Variants in BCL2 observed in about 807,000 individuals in gnomAD.
BCL2 encodes the protein apoptosis regulator Bcl-2.
BCL2 carries 1 observed loss-of-function variant against 14.2 expected under a neutral mutation model. The ratio of observed to expected loss-of-function variants is 0.07; its 90% CI spans 0.02 to 0.33. The LOEUF (loss-of-function observed/expected upper bound fraction) is 0.33, where lower values mean the gene tolerates loss of function less well. BCL2 is among the 10% of genes least tolerant of loss of function. The probability of loss-of-function intolerance (pLI) is 0.99; values close to 1 mark genes in which losing one functional copy is unlikely to be tolerated. For synonymous variants in BCL2, 151 were observed against 137.2 expected, an observed-to-expected ratio of 1.10 and a Z score of -0.70; for missense variants, 247 against 305.9, an observed-to-expected ratio of 0.81 and a Z score of 1.44.
chr18:63,306,142 A>C (rs983385359), intron 2 of BCL2, among the ~76,000 whole-genome samples: 1 of 152,218 alleles, frequency 6.6e-6, no homozygotes, highest in African/African-American at 2.4e-5. Context: ...CAGAACAATG[A>C]CCACATTCTT....
At chr18:63,252,424 G>A (rs765942116) in intron 2 of BCL2, among the ~76,000 whole-genome samples, 25 of 152,176 alleles carry the variant, frequency 1.6e-4, no homozygotes, top group Non-Finnish European at 2.6e-4. Flanking sequence ...CTATTGATAC[G>A]GTTTGGCTGT....
At chr18:63,233,703 A>G (rs538752425) in intron 2 of BCL2, among the ~76,000 whole-genome samples, 1 of 152,082 alleles carries the variant, frequency 6.6e-6, no homozygotes, top group Non-Finnish European at 1.5e-5. Flanking sequence ...CAGGCCACGG[A>G]CCTGTACCGG....
At chr18:63,250,626 C>T (rs1312494728) in intron 2 of BCL2, among the ~76,000 whole-genome samples, 2 of 152,142 alleles carry the variant, frequency 1.3e-5, no homozygotes. Context: ...TCTAGGAGTA[C>T]CCTTTTTCAT....
At chr18:63,224,432 A>G (rs1910490697) in intron 2 of BCL2, among the ~76,000 whole-genome samples, 1 of 152,254 alleles carries the variant, frequency 6.6e-6, no homozygotes, top group Non-Finnish European at 1.5e-5. Flanking sequence ...TAAGGCACAG[A>G]ACATCAAGAA....
At chr18:63,174,956 C>T (rs971792423) in intron 2 of BCL2, among the ~76,000 whole-genome samples, 2 of 152,048 alleles carry the variant, frequency 1.3e-5, no homozygotes, top group Non-Finnish European at 2.9e-5. Context: ...ACATGTCTGC[C>T]GTTTTCACCT....
At chr18:63,216,817 C>T (rs901436848) in intron 2 of BCL2, among the ~76,000 whole-genome samples, 14 of 152,298 alleles carry the variant, frequency 9.2e-5, no homozygotes, top group Middle Eastern at 3.4e-3. Context: ...TGGCTTGATT[C>T]GTTTTGCAGT....
Position 63,126,255 on chromosome 18 carries a change from G to T in BCL2, c.*2370C>A. Reference sequence around the variant, plus strand: ...ATACCACAGGTTTCCTGCTTTCTTGGTGGAGCGTAAGCACCACTGCATTTC... The same window carrying T: ...ATACCACAGGTTTCCTGCTTTCTTGTTGGAGCGTAAGCACCACTGCATTTC... On this transcript the variant is annotated 3_prime_UTR_variant, in exon 3 of 3. Coordinates refer to ENST00000333681, the MANE Select transcript of BCL2 (RefSeq NM_000633.3). 4.5e-6 allele frequency: 1 copy of T among 220,504 alleles called. No individual in the cohort carries two copies. Among genetic ancestry groups the T allele is most frequent in the East Asian group, 6.6e-5 (1 of 15,220 alleles). The allele number at this position is 220,504 out of a possible 1,614,324, so 13.7% of individuals were successfully genotyped here. A position where few individuals can be genotyped will look rare whatever the true frequency, so the allele number is the denominator to read the frequency against.
intron 2 of BCL2, chr18:63,315,278 T>C (rs1241139045): frequency 1.3e-5 from 2 of 152,414 alleles, no homozygotes; most frequent in African/African-American, 4.8e-5. Context: ...GCTTCCTCTG[T>C]CCTGCCTCTC....
Position 63,318,307 on chromosome 18 carries a change from G to A in BCL2, c.360C>T (p.His120=), listed in dbSNP as rs960914309. 6.2e-7 allele frequency: 1 copy of A among 1,613,996 alleles called. No homozygotes were observed. Among genetic ancestry groups the A allele is most frequent in the African/African-American group, 1.3e-5 (1 of 74,948 alleles). The stretch of plus-strand genomic sequence containing the variant: ...GTCCCCGCGCGGTGAAGGGCGTCAG[G>A]TGCAGCTGGCTGGACATCTCGGCGA... The part of the protein sequence containing the change: ...RDFAEMSSQL[H]LTPFTARGRF... The change falls in exon 2 of 3, where the codon CAC becomes CAT. Residue 120 remains histidine, a synonymous_variant. Coordinates refer to ENST00000333681, the MANE Select transcript of BCL2 (RefSeq NM_000633.3). This position sits in a 1 kb window ranked among gnomAD's most constrained non-coding sequence, Gnocchi z 7.4.
chr18:63,305,557 A>T (rs1341782168), intron 2 of BCL2, among the ~76,000 whole-genome samples: 1 of 151,616 alleles, frequency 6.6e-6, no homozygotes, highest in African/African-American at 2.4e-5. Flanking sequence ...CAGATATGGA[A>T]TTTTTTTTTA....
Position 63,149,967 on chromosome 18 carries a change from C to T in BCL2, c.586-21208G>A, listed in dbSNP as rs1324526506. 6.6e-6 allele frequency among the ~76,000 whole-genome samples: 1 copy of T among 152,050 alleles called. No homozygotes were observed. Among genetic ancestry groups the T allele is most frequent in the Non-Finnish European group, 1.5e-5 (1 of 68,010 alleles). ...CGATCTCGGCTCACTGCAGCCTCTG[C>T]CTCCCAGGTTCAAGCAATTCTCCTG... On this transcript the variant is annotated intron_variant, in intron 2 of 2. Coordinates refer to ENST00000333681, the MANE Select transcript of BCL2 (RefSeq NM_000633.3). The surrounding 1 kb of genome is among the most constrained non-coding windows in gnomAD (Gnocchi z 4.2).
intron 2 of BCL2, among the ~76,000 whole-genome samples, chr18:63,279,304 G>T (rs78678055): frequency 0.035 from 5,372 of 152,246 alleles, 339 homozygotes; most frequent in African/African-American, 0.12. Flanking sequence ...ATTAATGAAG[G>T]ATGCATAGCC....
At chr18:63,181,894 C>T (rs1341862895) in intron 2 of BCL2, among the ~76,000 whole-genome samples, 1 of 152,228 alleles carries the variant, frequency 6.6e-6, no homozygotes, top group Admixed American at 6.5e-5. Context: ...CTGAGCCTCT[C>T]TTGGTTCCTC....
At chr18:63,177,781 G>A (rs1915383376) in intron 2 of BCL2, among the ~76,000 whole-genome samples, 1 of 152,156 alleles carries the variant, frequency 6.6e-6, no homozygotes, top group South Asian at 2.1e-4. Context: ...GGAGATAGGG[G>A]GTAGGACCCT....
intron 2 of BCL2, among the ~76,000 whole-genome samples, chr18:63,295,129 A>T (rs1912763281): frequency 6.6e-6 from 1 of 151,928 alleles, no homozygotes. Flanking sequence ...GTGCCACTGC[A>T]TTCCAGCCTG....
chr18:63,202,284 G>A (rs1342806383), intron 2 of BCL2, among the ~76,000 whole-genome samples: 2 of 152,132 alleles, frequency 1.3e-5, no homozygotes, highest in Non-Finnish European at 1.5e-5. Context: ...ACTCCAGCCT[G>A]GGCGACAGAG....
At position 63,129,715 on chromosome 18, in the gene BCL2, C is replaced by T. The variant is rs368076558; in HGVS notation, c.586-956G>A. 4.5e-4 allele frequency among the ~76,000 whole-genome samples: 69 copies of T among 152,338 alleles called. No homozygotes were observed. The South Asian group carries it at 5.8e-3, about 13-fold the overall frequency. ...TTGAACCCAGATAGAAACCAGCACC[C>T]TTCTCTCTGCTGATGCCCTGGCGTG... On this transcript the variant is annotated intron_variant, in intron 2 of 2. Transcript: ENST00000333681.
At chr18:63,173,739 T>C (rs577735803) in intron 2 of BCL2, among the ~76,000 whole-genome samples, 2 of 152,350 alleles carry the variant, frequency 1.3e-5, no homozygotes, top group South Asian at 4.1e-4. Context: ...TCAAATGCTA[T>C]TACTATGAAC....
intron 2 of BCL2, among the ~76,000 whole-genome samples, chr18:63,137,598 C>T (rs1055669282): frequency 6.6e-6 from 1 of 152,124 alleles, no homozygotes. Flanking sequence ...GTCCTCCTCC[C>T]AGGGACTGAT....
Sources: allele counts gnomAD v4.1 joint callset (sites outside exome capture counted in the v4.1 genomes callset), GRCh38; gene constraint gnomAD v4.1.1; non-coding constraint Gnocchi (gnomAD v3.1); transcripts MANE v1.5; gene names NCBI Gene and HGNC (gene_info 2026-07-23, HGNC 2026-07-21).